The following KCNMA1 variants were observed in gnomAD, a reference collection of about 807,000 sequenced individuals.
The protein encoded by KCNMA1 is Calcium-activated potassium channel subunit alpha-1.
A neutral mutation model predicts 140.0 loss-of-function variants in KCNMA1; 29 were observed. The observed-to-expected ratio is 0.21, with a 90% CI of 0.15 to 0.28. The LOEUF (loss-of-function observed/expected upper bound fraction) is 0.28. KCNMA1 is among the 10% of genes least tolerant of loss of function. The probability of loss-of-function intolerance (pLI) is 1.00; values close to 1 mark genes in which losing one functional copy is unlikely to be tolerated. For synonymous variants in KCNMA1, 612 were observed against 611.9 expected, an observed-to-expected ratio of 1.00 and a Z score of 0.00; for missense variants, 880 against 1,602.2, an observed-to-expected ratio of 0.55 and a Z score of 7.70.
At chr10:77,077,359 T>C (rs1470320449) in intron 13 of KCNMA1, among the ~76,000 whole-genome samples, 9 of 152,226 alleles carry the variant, frequency 5.9e-5, no homozygotes, top group Admixed American at 5.9e-4. Context: ...CAAAATGTGT[T>C]TTAAGCAAAT....
chr10:77,600,687 C>T lies in KCNMA1; in HGVS notation c.378+36578G>A, dbSNP rs146930710. On this transcript the variant is annotated intron_variant, in intron 1 of 27. Transcript: ENST00000286628. ...CGCTTGAACCCAGGAGGAGAGGTTG[C>T]GGTGAGCTGAGGTCACGCCATTGCA... is the stretch of plus-strand genomic sequence containing the variant. 9.9e-3 allele frequency among the ~76,000 whole-genome samples: 1,500 copies of T among 152,158 alleles called. 13 individuals are homozygous for T. Among genetic ancestry groups the T allele is most frequent in the Middle Eastern group, 0.017 (5 of 294 alleles).
At chr10:77,047,321 T>A (rs940978786) in intron 14 of KCNMA1, among the ~76,000 whole-genome samples, 1 of 152,212 alleles carries the variant, frequency 6.6e-6, no homozygotes, top group Non-Finnish European at 1.5e-5. Context: ...TCAAATGAGA[T>A]TTCTTCCATC....
At chr10:77,373,689 G>A (rs944318180) in intron 2 of KCNMA1, 2 of 152,088 alleles carry the variant, frequency 1.3e-5, no homozygotes, top group African/African-American at 2.4e-5. Context: ...GGTCATCCAT[G>A]TTTCCAGTCA....
intron 23 of KCNMA1, among the ~76,000 whole-genome samples, chr10:76,934,315 C>T (rs953511251): frequency 6.6e-5 from 10 of 152,150 alleles, no homozygotes; most frequent in African/African-American, 1.7e-4. Context: ...GATGGAATTT[C>T]GCTCTTGTTG....
At chr10:77,334,669 T>C (rs2154369459) in intron 2 of KCNMA1, among the ~76,000 whole-genome samples, 1 of 152,274 alleles carries the variant, frequency 6.6e-6, no homozygotes, top group East Asian at 1.9e-4. Context: ...AATGCAAGCG[T>C]TGAGACATAT....
At chr10:77,424,040 G>A (rs796071435) in intron 1 of KCNMA1, among the ~76,000 whole-genome samples, 3 of 152,338 alleles carry the variant, frequency 2.0e-5, no homozygotes, top group African/African-American at 7.2e-5. Flanking sequence ...ACACTGTCAA[G>A]GAAGACAAGC....
At chr10:77,611,879 G>C (rs955577376) in intron 1 of KCNMA1, among the ~76,000 whole-genome samples, 1 of 152,178 alleles carries the variant, frequency 6.6e-6, no homozygotes, top group Non-Finnish European at 1.5e-5. Context: ...ATCAGGGAAG[G>C]ACAAGGCACT....
chr10:77,294,311 G>C (rs936035399), intron 2 of KCNMA1, among the ~76,000 whole-genome samples: 2 of 152,218 alleles, frequency 1.3e-5, no homozygotes, highest in Non-Finnish European at 2.9e-5. Context: ...GCTATTTCCT[G>C]GAGGGTGGAC....
At chr10:77,294,376 T>G (rs748398481) in intron 2 of KCNMA1, among the ~76,000 whole-genome samples, 1 of 152,188 alleles carries the variant, frequency 6.6e-6, no homozygotes, top group Non-Finnish European at 1.5e-5. Context: ...GTGAATAACA[T>G]GGCAGAGCCC....
intron 2 of KCNMA1, among the ~76,000 whole-genome samples, chr10:77,375,105 G>T (rs919141871): frequency 6.6e-6 from 1 of 152,172 alleles, no homozygotes; most frequent in African/African-American, 2.4e-5. Context: ...AGCCCCAAGG[G>T]CAGAGAAAGT....
intron 5 of KCNMA1, among the ~76,000 whole-genome samples, chr10:77,167,773 C>T (rs1017291129): frequency 2.6e-5 from 4 of 151,818 alleles, no homozygotes; most frequent in Non-Finnish European, 4.4e-5. Context: ...ACTGCAGCCT[C>T]GACTTCCTCG....
chr10:77,118,102 C>G (rs994730535), intron 6 of KCNMA1, among the ~76,000 whole-genome samples: 1 of 152,188 alleles, frequency 6.6e-6, no homozygotes, highest in Non-Finnish European at 1.5e-5. Flanking sequence ...CATTGCAAAG[C>G]CTCCATCCCT....
intron 2 of KCNMA1, among the ~76,000 whole-genome samples, chr10:77,307,015 C>T (rs12355027): frequency 0.24 from 36,512 of 152,198 alleles, 5,640 homozygotes; most frequent in Non-Finnish European, 0.35. Flanking sequence ...ACATAGCACA[C>T]GCAGCTCAAG....
chr10:76,977,570 T>G (rs942670373), intron 19 of KCNMA1: 1 of 702,964 alleles, frequency 1.4e-6, no homozygotes, highest in East Asian at 2.7e-5. Flanking sequence ...TGCTGACCCC[T>G]GCAGTAGTTT....
At chr10:77,352,358 C>T (rs2092984411) in intron 2 of KCNMA1, among the ~76,000 whole-genome samples, 1 of 152,212 alleles carries the variant, frequency 6.6e-6, no homozygotes, top group African/African-American at 2.4e-5. Flanking sequence ...CTGAACACTA[C>T]ACTCATGTGC....
chr10:77,446,500 G>T (rs951384784), intron 1 of KCNMA1, among the ~76,000 whole-genome samples: 1 of 152,228 alleles, frequency 6.6e-6, no homozygotes, highest in Non-Finnish European at 1.5e-5. Flanking sequence ...AGGGCCCAGG[G>T]AGATTCTCAA....
rs569619350 is a variant in KCNMA1 at position 77,532,835 on chromosome 10, C to T, written c.378+104430G>A. On this transcript the variant is annotated intron_variant, in intron 1 of 27. Transcript: ENST00000286628. ...TGCAAGTGAAAAAATCCAGATTTGCCAAAACCTTCCTATTGGCTCTATGAG... is the reference window on the plus strand; with the variant it reads ...TGCAAGTGAAAAAATCCAGATTTGCTAAAACCTTCCTATTGGCTCTATGAG... 6.6e-5 allele frequency among the ~76,000 whole-genome samples: 10 copies of T among 152,150 alleles called. No homozygotes were observed. In the South Asian group the frequency reaches 2.1e-3, roughly 32 times the overall value.
At chr10:77,446,602 T>A (rs1301678832) in intron 1 of KCNMA1, among the ~76,000 whole-genome samples, 3 of 152,232 alleles carry the variant, frequency 2.0e-5, no homozygotes, top group Non-Finnish European at 4.4e-5. Context: ...AAGATGCAGA[T>A]AATCTGCCCA....
In KCNMA1 at chr10:77,606,951, T is replaced by TCC. The variant is rs531106630; in HGVS notation, c.378+30312_378+30313dup. Among the ~76,000 whole-genome samples, 618 of 152,242 alleles carry TCC rather than the reference T, an allele frequency of 4.1e-3. 2 individuals are homozygous for TCC. Among genetic ancestry groups the TCC allele is most frequent in the Non-Finnish European group, 6.9e-3 (470 of 68,020 alleles). ...CCTTGGTAGTGGCCTTACTGTACTCTCCCTCTCCATGACTCAGTTTGCCTC... is the reference window on the plus strand; with the variant it reads ...CCTTGGTAGTGGCCTTACTGTACTCTCCCCCTCTCCATGACTCAGTTTGCCTC... On this transcript the variant is annotated intron_variant, in intron 1 of 27. Transcript: ENST00000286628.
Sources: allele counts gnomAD v4.1 joint callset (sites outside exome capture counted in the v4.1 genomes callset), GRCh38; gene constraint gnomAD v4.1.1; transcripts MANE v1.5; gene names NCBI Gene and HGNC (gene_info 2026-07-23, HGNC 2026-07-21).